Variants in ARHGAP15 observed in about 807,000 individuals in gnomAD.
The protein encoded by ARHGAP15 is Rho GTPase activating protein 15, also known as rho GTPase-activating protein 15.
ARHGAP15 carries 51 observed loss-of-function variants against 63.7 expected under a neutral mutation model. That is an observed-to-expected ratio of 0.80 (90% CI 0.64 to 1.01). The LOEUF (loss-of-function observed/expected upper bound fraction) is 1.01, where lower values mean the gene tolerates loss of function less well. ARHGAP15 is among the 50% of genes least tolerant of loss of function. ARHGAP15 has a pLI of 0.00. For synonymous variants in ARHGAP15, 191 were observed against 193.8 expected (o/e 0.99, Z 0.12); for missense variants, 560 against 564.6 (o/e 0.99, Z 0.08).
At position 143,673,754 on chromosome 2, in the gene ARHGAP15, G is replaced by GTATATATATATA. The variant is rs1166388931; in HGVS notation, c.1139-29664_1139-29663insATATATATATAT. On this transcript the variant is annotated intron_variant, in intron 12 of 13. Coordinates refer to ENST00000295095, the MANE Select transcript of ARHGAP15 (RefSeq NM_018460.4). ...TGTGTGTGTGTGTGTGTGTGTGTGT[G>GTATATATATATA]TGTGTATATATATATATATATATAT... 2.9e-4 allele frequency among the ~76,000 whole-genome samples: 9 copies of GTATATATATATA among 31,418 alleles called. 1 individual carries two copies. Among genetic ancestry groups the GTATATATATATA allele is most frequent in the South Asian group, 2.0e-3 (1 of 510 alleles). The allele number at this position is 31,418 out of a possible 152,430, so 20.6% of individuals were successfully genotyped here.
chr2:143,664,725 T>C (rs1391933667), intron 12 of ARHGAP15, among the ~76,000 whole-genome samples: 2 of 151,916 alleles, frequency 1.3e-5, no homozygotes, highest in African/African-American at 2.4e-5. Flanking sequence ...ATAAAAATGA[T>C]AAAGGGGATA....
chr2:143,357,371 A>G (rs376249741), intron 6 of ARHGAP15, among the ~76,000 whole-genome samples: 3 of 151,638 alleles, frequency 2.0e-5, no homozygotes, highest in African/African-American at 7.3e-5. Flanking sequence ...TTTTTTAGGC[A>G]CTTGACCTGA....
At chr2:143,664,538 G>A (rs1449663066) in intron 12 of ARHGAP15, among the ~76,000 whole-genome samples, 1 of 151,786 alleles carries the variant, frequency 6.6e-6, no homozygotes, top group African/African-American at 2.4e-5. Flanking sequence ...ACATTCAAAA[G>A]CTAGCAGAAG....
chr2:143,412,719 T>C (rs1176059759), intron 6 of ARHGAP15, among the ~76,000 whole-genome samples: 1 of 130,824 alleles, frequency 7.6e-6, no homozygotes, highest in Non-Finnish European at 1.6e-5. Flanking sequence ...TTAATGTGTT[T>C]CAGCAGCTTT....
At chr2:143,452,904 T>G (rs943107672) in intron 8 of ARHGAP15, among the ~76,000 whole-genome samples, 2 of 152,010 alleles carry the variant, frequency 1.3e-5, no homozygotes, top group African/African-American at 4.8e-5. Context: ...TCTAAAAATA[T>G]TTGGCATAAA....
intron 13 of ARHGAP15, among the ~76,000 whole-genome samples, chr2:143,760,318 C>A (rs1686717517): frequency 6.6e-6 from 1 of 152,092 alleles, no homozygotes; most frequent in African/African-American, 2.4e-5. Flanking sequence ...CAGTGATTAG[C>A]ACATAGAAGG....
intron 5 of ARHGAP15, among the ~76,000 whole-genome samples, chr2:143,229,803 G>C (rs553444120): frequency 6.6e-6 from 1 of 152,168 alleles, no homozygotes; most frequent in Non-Finnish European, 1.5e-5. Flanking sequence ...TTTCTTAAAA[G>C]AAGATTTTAG....
At chr2:143,702,671 A>G (rs577699482) in intron 12 of ARHGAP15, among the ~76,000 whole-genome samples, 1 of 152,268 alleles carries the variant, frequency 6.6e-6, no homozygotes, top group East Asian at 1.9e-4. Flanking sequence ...CTGAAACTGA[A>G]GAGGTTGGTA....
chr2:143,446,570 G>T (rs1203483934), intron 8 of ARHGAP15, among the ~76,000 whole-genome samples: 4 of 151,852 alleles, frequency 2.6e-5, no homozygotes, highest in African/African-American at 9.7e-5. Context: ...TCCTGAGTGT[G>T]AGCCTGACAC....
intron 11 of ARHGAP15, among the ~76,000 whole-genome samples, chr2:143,596,298 T>C (rs1291238504): frequency 6.6e-6 from 1 of 152,150 alleles, no homozygotes; most frequent in Non-Finnish European, 1.5e-5. Flanking sequence ...AAGCAAAACG[T>C]GCTGCTGGAA....
intron 6 of ARHGAP15, among the ~76,000 whole-genome samples, chr2:143,288,227 T>G (rs1194902501): frequency 6.6e-6 from 1 of 152,194 alleles, no homozygotes; most frequent in East Asian, 1.9e-4. Context: ...CTCATATGTA[T>G]GCACACTCAG....
intron 6 of ARHGAP15, among the ~76,000 whole-genome samples, chr2:143,375,867 CT>C (rs1686787038): frequency 6.6e-6 from 1 of 152,170 alleles, no homozygotes; most frequent in East Asian, 1.9e-4. Flanking sequence ...ATAGATTTTA[CT>C]TTTTTCGGTG....
At chr2:143,147,852 A>C (rs1043198557) in intron 1 of ARHGAP15, among the ~76,000 whole-genome samples, 1 of 151,988 alleles carries the variant, frequency 6.6e-6, no homozygotes, top group Non-Finnish European at 1.5e-5. Flanking sequence ...ATACTGTAAT[A>C]TTTATTCTGT....
intron 1 of ARHGAP15, among the ~76,000 whole-genome samples, chr2:143,143,953 T>A (rs1689478086): frequency 6.6e-6 from 1 of 152,034 alleles, no homozygotes; most frequent in South Asian, 2.1e-4. Context: ...TATGTATTGT[T>A]CTCCTCTATG....
chr2:143,306,163 C>A (rs79532355), intron 6 of ARHGAP15, among the ~76,000 whole-genome samples: 4,562 of 152,180 alleles, frequency 0.03, 107 homozygotes, highest in East Asian at 0.092. Context: ...TATGGCACAT[C>A]TCTTCAAATG....
chr2:143,184,753 C>T (rs1691373095), intron 2 of ARHGAP15, among the ~76,000 whole-genome samples: 1 of 152,064 alleles, frequency 6.6e-6, no homozygotes, highest in Non-Finnish European at 1.5e-5. Flanking sequence ...GTGTTTATAG[C>T]TCACCACAGC....
chr2:143,188,353 T>C (rs1433226807), intron 2 of ARHGAP15, among the ~76,000 whole-genome samples: 1 of 151,946 alleles, frequency 6.6e-6, no homozygotes, highest in Non-Finnish European at 1.5e-5. Flanking sequence ...TAAATTTTAA[T>C]TTTACTTATA....
chr2:143,632,774 G>A (rs977808302), intron 12 of ARHGAP15, among the ~76,000 whole-genome samples: 2 of 152,060 alleles, frequency 1.3e-5, no homozygotes, highest in Non-Finnish European at 2.9e-5. Flanking sequence ...ACTCTCAATA[G>A]GTAATTGTGG....
intron 12 of ARHGAP15, among the ~76,000 whole-genome samples, chr2:143,647,420 A>ATCTGC (rs1680936189): frequency 6.6e-6 from 1 of 151,908 alleles, no homozygotes; most frequent in East Asian, 1.9e-4. Context: ...TATACTTTGA[A>ATCTGC]TCTGCTCACA....
Sources: gnomAD v4.1 joint callset for allele counts (sites outside exome capture counted in the v4.1 genomes callset) on GRCh38, gnomAD v4.1.1 for gene constraint, MANE v1.5 for transcripts, NCBI Gene and HGNC (gene_info 2026-07-23, HGNC 2026-07-21) for gene names.